The following SHTN1 variants were observed in gnomAD, a reference collection of about 807,000 sequenced individuals.
SHTN1 encodes shootin 1.
SHTN1 carries 42 observed loss-of-function variants against 83.1 expected under a neutral mutation model. The ratio of observed to expected loss-of-function variants is 0.51; its 90% CI spans 0.39 to 0.65. SHTN1 has a LOEUF of 0.65. Ranked by LOEUF, SHTN1 falls within the 30% of genes least tolerant of loss-of-function variation. The pLI, the probability that SHTN1 is intolerant of heterozygous loss-of-function variation, is 0.00. For missense variants in SHTN1, 622 were observed against 737.8 expected (o/e 0.84, Z 1.82); for synonymous variants, 224 against 247.7 (o/e 0.90, Z 0.90).
intron 1 of SHTN1, among the ~76,000 whole-genome samples, chr10:117,121,209 C>G (rs896444291): frequency 1.3e-5 from 2 of 152,154 alleles, no homozygotes; most frequent in Non-Finnish European, 2.9e-5. Flanking sequence ...TTATGAAGAT[C>G]AAAGGAGATT....
intron 14 of SHTN1, among the ~76,000 whole-genome samples, chr10:116,909,641 G>A (rs932062554): frequency 5.3e-5 from 8 of 152,122 alleles, no homozygotes; most frequent in Admixed American, 6.5e-5. Context: ...TTGGAAAAAC[G>A]AGGTCAGTCA....
chr10:117,050,056 G>C (rs1210744441), intron 1 of SHTN1, among the ~76,000 whole-genome samples: 2 of 152,192 alleles, frequency 1.3e-5, no homozygotes, highest in Non-Finnish European at 2.9e-5. Context: ...GCTAGATGTA[G>C]TGGTATGAGC....
Position 116,896,792 on chromosome 10 carries a change from G to T in SHTN1, c.1673+4973C>A, listed in dbSNP as rs201259094. 3.5e-4 allele frequency among the ~76,000 whole-genome samples: 52 copies of T among 148,718 alleles called. No homozygotes were observed. The East Asian group carries it at 7.8e-3, about 22-fold the overall frequency. ...AGACTGCCCAATTTATTTTCTCTGT[G>T]ATCAGGTACTTTTTTTTTTTTTTTT... On this transcript the variant is annotated intron_variant, in intron 16 of 16. Coordinates refer to ENST00000355371, the MANE Select transcript of SHTN1 (RefSeq NM_001127211.3).
intron 15 of SHTN1, among the ~76,000 whole-genome samples, chr10:116,903,983 G>T (rs759652049): frequency 9.2e-5 from 14 of 152,130 alleles, no homozygotes; most frequent in Admixed American, 1.3e-4. Context: ...GTAAAACAAG[G>T]GAACATTAGT....
At chr10:116,936,690 T>C (rs148527100) in intron 9 of SHTN1, among the ~76,000 whole-genome samples, 9,293 of 152,256 alleles carry the variant, frequency 0.061, 379 homozygotes, top group Non-Finnish European at 0.091. Context: ...GTCTGCTTGG[T>C]CCAGGGCTGA....
In SHTN1 at chr10:116,881,857, C is replaced by CA. The variant is rs1847026525; in HGVS notation, c.*4486_*4487insT. 1 of 443,054 alleles carries CA rather than the reference C, an allele frequency of 2.3e-6. No individual in the cohort carries two copies. Among genetic ancestry groups the CA allele is most frequent in the Non-Finnish European group, 3.8e-6 (1 of 261,662 alleles). 27.4% of individuals were successfully genotyped at this position (443,054 alleles called of 1,614,324 possible). On this transcript the variant is annotated 3_prime_UTR_variant, in exon 17 of 17. Coordinates refer to ENST00000355371, the MANE Select transcript of SHTN1 (RefSeq NM_001127211.3). ...TTTTTGCCTGAAATTCTGTGAACTT[C>CA]GTTTTGCAGCCACCACACTTCCATG... is the stretch of plus-strand genomic sequence containing the variant.
rs565096560 is a variant in SHTN1, at chr10:116,928,605, T to C, written c.1013-714A>G. 3.4e-4 allele frequency among the ~76,000 whole-genome samples: 52 copies of C among 152,328 alleles called. 2 individuals carry two copies. In the South Asian group the frequency reaches 9.1e-3, roughly 27 times the overall value. On this transcript the variant is annotated intron_variant, in intron 10 of 16. Transcript: ENST00000355371. Reference sequence around the variant, plus strand: ...CTATGAGATAATGGGTAAAAGGTGCTGCATACTGTTGGCACTCAGAGGTAG... The same window carrying C: ...CTATGAGATAATGGGTAAAAGGTGCCGCATACTGTTGGCACTCAGAGGTAG...
At chr10:117,086,594 A>G (rs1200843315) in intron 1 of SHTN1, among the ~76,000 whole-genome samples, 1 of 152,148 alleles carries the variant, frequency 6.6e-6, no homozygotes, top group Non-Finnish European at 1.5e-5. Flanking sequence ...CTCTTAGCAT[A>G]TCATTTATAC....
At chr10:117,040,953 A>T (rs1001759436) in intron 2 of SHTN1, among the ~76,000 whole-genome samples, 7 of 151,700 alleles carry the variant, frequency 4.6e-5, no homozygotes, top group Non-Finnish European at 7.4e-5. Flanking sequence ...TTATCTTAAA[A>T]TTTTTTTATT....
chr10:117,044,209 G>T (rs1181659462), intron 2 of SHTN1, among the ~76,000 whole-genome samples: 2 of 151,912 alleles, frequency 1.3e-5, no homozygotes, highest in East Asian at 3.9e-4. Flanking sequence ...ATATTCTCCT[G>T]GAAATGTTAA....
intron 10 of SHTN1, among the ~76,000 whole-genome samples, chr10:116,928,734 G>C (rs998901110): frequency 6.6e-6 from 1 of 152,176 alleles, no homozygotes; most frequent in Non-Finnish European, 1.5e-5. Context: ...TGTGGGCTAT[G>C]CTCTCCAAAA....
rs568291458 is a variant in SHTN1 at position 116,967,502 on chromosome 10, G to C, written c.172+1150C>G. Among the ~76,000 whole-genome samples the C allele has an allele frequency of 3.3e-5, 5 of 152,194 alleles. 1 individual carries two copies. In the East Asian group the frequency reaches 9.7e-4, roughly 29 times the overall value. ...ATGCATACAACATGATGAGTTTGGGGGATTATTATACACCTGTGAAACCAT... is the reference window on the plus strand; with the variant it reads ...ATGCATACAACATGATGAGTTTGGGCGATTATTATACACCTGTGAAACCAT... On this transcript the variant is annotated intron_variant, in intron 3 of 16. Coordinates refer to ENST00000355371, the MANE Select transcript of SHTN1 (RefSeq NM_001127211.3).
At chr10:116,905,008 T>G (rs201484818) in intron 15 of SHTN1, among the ~76,000 whole-genome samples, 1 of 151,406 alleles carries the variant, frequency 6.6e-6, no homozygotes, top group African/African-American at 2.4e-5. Context: ...GAGACCATCC[T>G]GGCTAACAAG....
Position 116,908,929 on chromosome 10 carries a change from C to T in SHTN1, c.1360-2182G>A, listed in dbSNP as rs147443027. Among the ~76,000 whole-genome samples the T allele has an allele frequency of 1.2e-3, 177 of 152,254 alleles. 1 individual carries two copies. Among genetic ancestry groups the T allele is most frequent in the African/African-American group, 4.0e-3 (165 of 41,558 alleles). On this transcript the variant is annotated intron_variant, in intron 14 of 16. Transcript: ENST00000355371. ...TGGCTTCAGCTAACATATGAGTAAACTTTCAATACAAGGGCAATTGTGGAG... is the reference window on the plus strand; with the variant it reads ...TGGCTTCAGCTAACATATGAGTAAATTTTCAATACAAGGGCAATTGTGGAG...
intron 9 of SHTN1, among the ~76,000 whole-genome samples, 165 bp from the exon 10 acceptor site, chr10:116,930,167 T>A (rs1435289397): frequency 1.3e-5 from 2 of 152,088 alleles, no homozygotes; most frequent in Non-Finnish European, 2.9e-5. Context: ...TAACACACAA[T>A]CATAAATCAG....
At chr10:117,033,354 A>T (rs1000322487) in intron 2 of SHTN1, among the ~76,000 whole-genome samples, 4 of 152,162 alleles carry the variant, frequency 2.6e-5, no homozygotes, top group African/African-American at 9.6e-5. Context: ...AGACATTACA[A>T]CTGATACTGC....
chr10:116,888,084 C>T (rs1427777557), intron 16 of SHTN1, among the ~76,000 whole-genome samples: 4 of 152,176 alleles, frequency 2.6e-5, no homozygotes, highest in African/African-American at 4.8e-5. Context: ...CGGTCATCAT[C>T]CTAAGTGACA....
chr10:116,909,935 G>A (rs1848124075), intron 14 of SHTN1, among the ~76,000 whole-genome samples: 1 of 152,098 alleles, frequency 6.6e-6, no homozygotes, highest in Non-Finnish European at 1.5e-5. Context: ...ACAACTGCAG[G>A]CTTTTCGTGT....
intron 1 of SHTN1, among the ~76,000 whole-genome samples, chr10:117,116,098 A>C (rs903425522): frequency 6.6e-6 from 1 of 152,154 alleles, no homozygotes; most frequent in Admixed American, 6.6e-5. Flanking sequence ...ATTAAGACTA[A>C]AATAATATGG....
Sources: gnomAD v4.1 joint callset for allele counts (sites outside exome capture counted in the v4.1 genomes callset) on GRCh38, gnomAD v4.1.1 for gene constraint, MANE v1.5 for transcripts, NCBI Gene and HGNC (gene_info 2026-07-23, HGNC 2026-07-21) for gene names.